Variants in THSD7B observed in about 807,000 individuals in gnomAD.
The protein encoded by THSD7B is thrombospondin type-1 domain-containing protein 7B.
A neutral mutation model predicts 213.6 loss-of-function variants in THSD7B; 138 were observed. The observed-to-expected ratio is 0.65, with a 90% CI of 0.56 to 0.74. The LOEUF (loss-of-function observed/expected upper bound fraction) is 0.74. Among genes scored for constraint, THSD7B ranks in the 30% least tolerant of loss-of-function variants. The pLI is 0.00. For synonymous variants in THSD7B, 742 were observed against 687.0 expected (o/e 1.08, Z -1.25); for missense variants, 1,931 against 1,991.5 (o/e 0.97, Z 0.58).
intron 2 of THSD7B, among the ~76,000 whole-genome samples, chr2:136,970,563 T>C (rs986045273): frequency 1.8e-4 from 27 of 152,082 alleles, no homozygotes; most frequent in African/African-American, 6.0e-4. Context: ...GAACTATCAA[T>C]TTGAGAAGTC....
intron 15 of THSD7B, among the ~76,000 whole-genome samples, chr2:137,538,649 C>G (rs1270083246): frequency 6.6e-6 from 1 of 151,704 alleles, no homozygotes; most frequent in African/African-American, 2.4e-5. Flanking sequence ...ATAGAAGAGT[C>G]ACTTTCTCAA....
At chr2:136,781,493 A>T (rs922929106) in intron 1 of THSD7B, among the ~76,000 whole-genome samples, 2 of 151,214 alleles carry the variant, frequency 1.3e-5, no homozygotes, top group African/African-American at 4.9e-5. Flanking sequence ...GCTGGTCTTG[A>T]ACTCCTGACC....
At position 137,393,795 on chromosome 2, in the gene THSD7B, C is replaced by T. The variant is rs370649936; in HGVS notation, c.2501-11818C>T. On this transcript the variant is annotated intron_variant, in intron 12 of 27. Coordinates refer to ENST00000409968, the MANE Select transcript of THSD7B (RefSeq NM_001316349.2). ...ACCACCAACAGTGTAAAAGTGTTCC[C>T]ATTTCTCCACATCCTCTCCAGCACC... Among the ~76,000 whole-genome samples, 6 of 141,458 alleles carry T rather than the reference C, an allele frequency of 4.2e-5. 1 individual carries two copies. Among genetic ancestry groups the T allele is most frequent in the African/African-American group, 5.2e-5 (2 of 38,568 alleles). 92.8% of individuals were successfully genotyped at this position (141,458 alleles called of 152,430 possible).
At chr2:137,408,406 A>G (rs974153272) in intron 13 of THSD7B, among the ~76,000 whole-genome samples, 16 of 151,078 alleles carry the variant, frequency 1.1e-4, no homozygotes, top group Admixed American at 5.3e-4. Flanking sequence ...TTTACCACTT[A>G]TATGTGCTAG....
chr2:137,021,231 T>A (rs1686440828), intron 2 of THSD7B, among the ~76,000 whole-genome samples: 1 of 152,226 alleles, frequency 6.6e-6, no homozygotes, highest in Non-Finnish European at 1.5e-5. Context: ...CACATTGTTT[T>A]AGCCACTAGC....
chr2:137,388,753 T>G (rs1685950403), intron 12 of THSD7B, among the ~76,000 whole-genome samples: 1 of 152,104 alleles, frequency 6.6e-6, no homozygotes, highest in South Asian at 2.1e-4. Context: ...CCTACATGAG[T>G]AAGAAAATGC....
At chr2:137,506,624 A>G (rs1679841312) in intron 15 of THSD7B, among the ~76,000 whole-genome samples, 1 of 152,230 alleles carries the variant, frequency 6.6e-6, no homozygotes, top group South Asian at 2.1e-4. Flanking sequence ...GCCCACAGAC[A>G]GACTTCTCCA....
chr2:137,140,267 A>T lies in THSD7B; in HGVS notation c.1370-19946A>T, dbSNP rs777341803. On this transcript the variant is annotated intron_variant, in intron 5 of 27. Transcript: ENST00000409968. Reference sequence around the variant, plus strand: ...TTTATGTAGGTCCTTCTTTATAACAATTGCTTAATATCCATGGTATAAATT... The same window carrying T: ...TTTATGTAGGTCCTTCTTTATAACATTTGCTTAATATCCATGGTATAAATT... 1.2e-4 allele frequency among the ~76,000 whole-genome samples: 18 copies of T among 152,266 alleles called. 1 individual carries two copies. Among genetic ancestry groups the T allele is most frequent in the South Asian group, 4.1e-4 (2 of 4,820 alleles).
chr2:137,663,059 C>A (rs1426939176), intron 25 of THSD7B, among the ~76,000 whole-genome samples: 1 of 142,634 alleles, frequency 7.0e-6, no homozygotes. Context: ...AGTGAAACTC[C>A]ATCTAAAAAA....
intron 2 of THSD7B, among the ~76,000 whole-genome samples, chr2:136,960,229 G>A (rs182267835): frequency 3.9e-5 from 6 of 152,254 alleles, no homozygotes; most frequent in Non-Finnish European, 5.9e-5. Context: ...CCAGGCTCAA[G>A]TGATCCCCGC....
At chr2:137,171,005 C>T (rs1573866081) in intron 7 of THSD7B, 67 bp downstream of exon 7, 1 of 1,473,752 alleles carries the variant, frequency 6.8e-7, no homozygotes. Flanking sequence ...CATGACCACC[C>T]TTCAATAGAT....
intron 15 of THSD7B, among the ~76,000 whole-genome samples, chr2:137,505,012 G>A (rs1207460774): frequency 1.3e-5 from 2 of 152,100 alleles, no homozygotes; most frequent in Non-Finnish European, 2.9e-5. Flanking sequence ...GAGAAAGGGA[G>A]GAAGGGAGGG....
rs76501541 is a variant in THSD7B at position 137,347,271 on chromosome 2, A to T, written c.2501-58342A>T. Among the ~76,000 whole-genome samples the T allele has an allele frequency of 9.8e-3, 1,481 of 151,846 alleles. 28 individuals carry two copies. The highest frequency in any genetic ancestry group is 0.034 in the African/African-American group (1,432 of 41,520). On this transcript the variant is annotated intron_variant, in intron 12 of 27. Coordinates refer to ENST00000409968, the MANE Select transcript of THSD7B (RefSeq NM_001316349.2). ...AAGAGAGATGAAGGTTGATATAGAC[A>T]AGCTAATGCTGTTATGCTACCATGT...
intron 12 of THSD7B, among the ~76,000 whole-genome samples, chr2:137,396,227 G>A (rs1212941374): frequency 6.9e-4 from 96 of 139,980 alleles, no homozygotes; most frequent in African/African-American, 2.4e-3. Context: ...GTTTGCTCTT[G>A]CTTTTCTAGT....
Position 137,620,460 on chromosome 2 carries a change from A to T in THSD7B, c.3682-149A>T, listed in dbSNP as rs1050043530. ...AGGACAATCATTTTCTATGATTGTC[A>T]CCAATTTATATAAGAAAGGATATAC... On this transcript the variant is annotated intron_variant, in intron 19 of 27. Transcript: ENST00000409968. 3 of 582,338 alleles carry T rather than the reference A, an allele frequency of 5.2e-6. No homozygotes were observed. The African/African-American group carries it at 5.7e-5, about 11-fold the overall frequency. 36.1% of individuals were successfully genotyped at this position (582,338 alleles called of 1,614,324 possible). A position where few individuals can be genotyped will look rare whatever the true frequency, so the allele number is the denominator to read the frequency against.
intron 12 of THSD7B, among the ~76,000 whole-genome samples, chr2:137,310,300 T>C (rs1290435799): frequency 4.7e-5 from 7 of 150,244 alleles, no homozygotes; most frequent in South Asian, 4.3e-4. Context: ...CATAAATGTC[T>C]TCTTTTGAGA....
chr2:136,990,480 AG>A (rs946523072), intron 2 of THSD7B, among the ~76,000 whole-genome samples: 51 of 151,950 alleles, frequency 3.4e-4, no homozygotes, highest in African/African-American at 9.9e-4. Context: ...ACAGAACTGT[AG>A]GGGGGGGACC....
At chr2:137,367,186 C>T (rs1685426606) in intron 12 of THSD7B, among the ~76,000 whole-genome samples, 1 of 152,026 alleles carries the variant, frequency 6.6e-6, no homozygotes, top group Non-Finnish European at 1.5e-5. Context: ...TACCATATTC[C>T]TTAGGCAGGC....
At chr2:137,658,851 G>A (rs16839253) in intron 24 of THSD7B, among the ~76,000 whole-genome samples, 3,917 of 152,204 alleles carry the variant, frequency 0.026, 147 homozygotes, top group African/African-American at 0.088. Flanking sequence ...ACTATAATGG[G>A]TTGACAATTG....
Sources: gnomAD v4.1 joint callset for allele counts (sites outside exome capture counted in the v4.1 genomes callset) on GRCh38, gnomAD v4.1.1 for gene constraint, MANE v1.5 for transcripts, NCBI Gene and HGNC (gene_info 2026-07-23, HGNC 2026-07-21) for gene names.